The following SUPT3H variants were observed in gnomAD, a reference collection of about 807,000 sequenced individuals.
SUPT3H encodes the protein transcription initiation protein SPT3 homolog.
A neutral mutation model predicts 44.3 loss-of-function variants in SUPT3H; 44 were observed. The ratio of observed to expected loss-of-function variants is 0.99; its 90% CI spans 0.78 to 1.28. SUPT3H has a LOEUF of 1.28. Ranked by LOEUF, SUPT3H falls within the 50% of genes most tolerant of loss-of-function variation. The probability of loss-of-function intolerance (pLI) is 0.00; values close to 1 mark genes in which losing one functional copy is unlikely to be tolerated. For synonymous variants in SUPT3H, 124 were observed against 125.6 expected (o/e 0.99, Z 0.09); for missense variants, 380 against 387.1 (o/e 0.98, Z 0.15).
intron 3 of SUPT3H, among the ~76,000 whole-genome samples, chr6:45,047,925 A>AT (rs35916783): frequency 0.014 from 2,098 of 147,062 alleles, 57 homozygotes; most frequent in African/African-American, 0.048. Flanking sequence ...GTCTTTGCCC[A>AT]TTTTTTTTTT....
intron 2 of SUPT3H, among the ~76,000 whole-genome samples, chr6:45,176,962 A>G (rs961867399): frequency 2.6e-5 from 4 of 152,176 alleles, no homozygotes; most frequent in Non-Finnish European, 5.9e-5. Context: ...AACCACAAAG[A>G]TGGGGAAAAA....
intron 2 of SUPT3H, among the ~76,000 whole-genome samples, chr6:45,239,971 A>G (rs554235543): frequency 6.6e-6 from 1 of 152,352 alleles, no homozygotes; most frequent in East Asian, 1.9e-4. Context: ...GCAGCTGAAG[A>G]GCATCTACAG....
At chr6:44,940,548 C>A (rs938587426) in intron 9 of SUPT3H, among the ~76,000 whole-genome samples, 2 of 152,028 alleles carry the variant, frequency 1.3e-5, no homozygotes, top group Non-Finnish European at 2.9e-5. Flanking sequence ...TTGTTGAAGT[C>A]CTTTTGGTCT....
intron 2 of SUPT3H, among the ~76,000 whole-genome samples, chr6:45,115,463 C>T (rs1442970526): frequency 6.6e-6 from 1 of 152,064 alleles, no homozygotes; most frequent in Non-Finnish European, 1.5e-5. Context: ...TGTTACCATA[C>T]TAAACACTCT....
At chr6:45,221,648 T>C (rs1170927285) in intron 2 of SUPT3H, among the ~76,000 whole-genome samples, 1 of 152,166 alleles carries the variant, frequency 6.6e-6, no homozygotes, top group Non-Finnish European at 1.5e-5. Context: ...AAGATATTAA[T>C]TTTCCCTAAA....
At chr6:45,003,609 C>A in intron 6 of SUPT3H, 44 bp downstream of exon 6, 2 of 1,599,986 alleles carry the variant, frequency 1.3e-6, no homozygotes, top group South Asian at 2.2e-5. Context: ...ATAGGCACTG[C>A]AATGATTGTT....
chr6:45,265,962 C>T (rs1461204655), intron 2 of SUPT3H, among the ~76,000 whole-genome samples: 1 of 152,010 alleles, frequency 6.6e-6, no homozygotes, highest in Non-Finnish European at 1.5e-5. Flanking sequence ...ATATAAGTCA[C>T]CTTTCACAGA....
intron 3 of SUPT3H, among the ~76,000 whole-genome samples, chr6:45,083,082 C>T (rs185421084): frequency 0.037 from 5,555 of 151,688 alleles, 145 homozygotes; most frequent in Middle Eastern, 0.059. Context: ...GAAAGATCTA[C>T]AAGGAGAACT....
intron 2 of SUPT3H, among the ~76,000 whole-genome samples, chr6:45,214,134 C>G (rs555768832): frequency 6.7e-6 from 1 of 149,294 alleles, no homozygotes; most frequent in East Asian, 2.0e-4. Flanking sequence ...CAGTATCAAA[C>G]GATTCAGTGA....
In SUPT3H at chr6:45,012,780, T is replaced by C. The variant is rs768291012; in HGVS notation, c.364+2021A>G. Among the ~76,000 whole-genome samples the C allele has an allele frequency of 3.9e-4, 59 of 152,100 alleles. 1 individual carries two copies. The highest frequency in any genetic ancestry group is 3.0e-3 in the Admixed American group (46 of 15,246). ...AAGGGACACTTTAGATAATACAGTG[T>C]AGCAAATCTAGACAACTCCCTCCCC... On this transcript the variant is annotated intron_variant, in intron 5 of 10. Coordinates refer to ENST00000371459, the MANE Select transcript of SUPT3H (RefSeq NM_003599.4).
intron 2 of SUPT3H, among the ~76,000 whole-genome samples, chr6:45,275,836 CTGAA>C (rs539087487): frequency 6.6e-6 from 1 of 152,084 alleles, no homozygotes. Context: ...TACCTTGTGA[CTGAA>C]TAATACATTT....
chr6:45,293,425 G>C (rs148165580), intron 2 of SUPT3H, among the ~76,000 whole-genome samples: 2,739 of 151,824 alleles, frequency 0.018, 43 homozygotes, highest in South Asian at 0.044. Context: ...ACACCTCAAG[G>C]AACCAGAGAA....
chr6:44,971,976 A>G (rs541932794), intron 6 of SUPT3H, among the ~76,000 whole-genome samples: 155 of 151,978 alleles, frequency 1.0e-3, no homozygotes, highest in African/African-American at 3.5e-3. Context: ...GGGTTTCACC[A>G]TGTTAGCCAG....
chr6:45,306,240 C>A lies in SUPT3H; in HGVS notation c.101+58961G>T, dbSNP rs75366123. 2.6e-3 allele frequency among the ~76,000 whole-genome samples: 391 copies of A among 152,316 alleles called. 3 individuals are homozygous for A. Among genetic ancestry groups the A allele is most frequent in the African/African-American group, 8.6e-3 (357 of 41,576 alleles). ...GCAAGTCCACAAGCCATACCCAGTA[C>A]CAAAACGAATCCATGCTCAGCCACA... On this transcript the variant is annotated intron_variant, in intron 2 of 10. Transcript: ENST00000371459.
At chr6:45,160,491 A>G (rs1808760840) in intron 2 of SUPT3H, among the ~76,000 whole-genome samples, 1 of 152,190 alleles carries the variant, frequency 6.6e-6, no homozygotes. Flanking sequence ...CGACACACAC[A>G]GATTCTGCAA....
At chr6:45,177,919 G>A (rs536539210) in intron 2 of SUPT3H, among the ~76,000 whole-genome samples, 6 of 152,112 alleles carry the variant, frequency 3.9e-5, no homozygotes, top group South Asian at 4.2e-4. Context: ...CCTGAAGGAA[G>A]CGCTAAACAT....
chr6:44,984,091 C>T (rs910307359), intron 6 of SUPT3H, among the ~76,000 whole-genome samples: 2 of 152,128 alleles, frequency 1.3e-5, no homozygotes, highest in African/African-American at 4.8e-5. Context: ...CTGTCTGCCT[C>T]CTCTTGCCTC....
intron 2 of SUPT3H, among the ~76,000 whole-genome samples, chr6:45,175,012 T>TAAAAAAAAAAAAAAAAAA (rs57838175): frequency 1.6e-5 from 1 of 62,540 alleles, no homozygotes; most frequent in Non-Finnish European, 2.9e-5. Flanking sequence ...CCCTCGTCAC[T>TAAAAAAAAAAAAAAAAAA]AAAAAAAAAA....
chr6:45,047,889 CTTATT>C (rs1049771219), intron 3 of SUPT3H, among the ~76,000 whole-genome samples: 2 of 151,300 alleles, frequency 1.3e-5, no homozygotes, highest in African/African-American at 4.9e-5. Context: ...ATTTCTATGT[CTTATT>C]TTGAGATATG....
Sources: allele counts gnomAD v4.1 joint callset (sites outside exome capture counted in the v4.1 genomes callset), GRCh38; gene constraint gnomAD v4.1.1; transcripts MANE v1.5; gene names NCBI Gene and HGNC (gene_info 2026-07-23, HGNC 2026-07-21).